Variants in GRM8 observed in about 807,000 individuals in gnomAD.
GRM8 encodes glutamate metabotropic receptor 8, also known as metabotropic glutamate receptor 8.
Under a neutral mutation model 87.2 loss-of-function variants are expected in GRM8, and 47 were observed. The observed-to-expected ratio is 0.54, with a 90% CI of 0.43 to 0.69. The LOEUF (loss-of-function observed/expected upper bound fraction) is 0.69. Ranked by LOEUF, GRM8 falls within the 30% of genes least tolerant of loss-of-function variation. The pLI, the probability that GRM8 is intolerant of heterozygous loss-of-function variation, is 0.00. For synonymous variants in GRM8, 396 were observed against 404.5 expected, an observed-to-expected ratio of 0.98 and a Z score of 0.25; for missense variants, 1,019 against 1,139.2, an observed-to-expected ratio of 0.89 and a Z score of 1.52.
chr7:126,684,520 A>C (rs1242821381), intron 7 of GRM8, among the ~76,000 whole-genome samples: 1 of 152,236 alleles, frequency 6.6e-6, no homozygotes, highest in African/African-American at 2.4e-5. Flanking sequence ...CCATAGCTGT[A>C]GACCTGTAAG....
chr7:127,173,562 G>A (rs2116344774), intron 2 of GRM8, among the ~76,000 whole-genome samples: 1 of 152,332 alleles, frequency 6.6e-6, no homozygotes, highest in East Asian at 1.9e-4. Context: ...TACTCTGGGT[G>A]AAACAGGGAA....
intron 6 of GRM8, among the ~76,000 whole-genome samples, chr7:126,770,437 A>G (rs887636056): frequency 2.0e-5 from 3 of 152,064 alleles, no homozygotes; most frequent in Admixed American, 6.6e-5. Flanking sequence ...TCTCAGCTCC[A>G]GGAGTGTCAT....
intron 2 of GRM8, chr7:127,112,451 ATG>A (rs1259844041): frequency 2.0e-5 from 3 of 152,182 alleles, no homozygotes; most frequent in Admixed American, 2.0e-4. Flanking sequence ...TTGTTCACAG[ATG>A]TAACATGAGC....
At chr7:126,898,239 C>T (rs574200658) in intron 6 of GRM8, among the ~76,000 whole-genome samples, 1 of 152,226 alleles carries the variant, frequency 6.6e-6, no homozygotes, top group African/African-American at 2.4e-5. Context: ...AAACGCTGGA[C>T]ACCTCTACTC....
chr7:126,644,811 T>C (rs1802863717), intron 7 of GRM8, among the ~76,000 whole-genome samples: 1 of 152,214 alleles, frequency 6.6e-6, no homozygotes, highest in African/African-American at 2.4e-5. Flanking sequence ...GAAAAGGTCA[T>C]AATAGATAAC....
intron 9 of GRM8, among the ~76,000 whole-genome samples, chr7:126,514,701 T>C (rs946020479): frequency 6.6e-6 from 1 of 151,988 alleles, no homozygotes; most frequent in Admixed American, 6.6e-5. Flanking sequence ...AAAAACTGTA[T>C]ATAGAGATGA....
At chr7:126,935,375 C>T (rs1049390491) in intron 3 of GRM8, among the ~76,000 whole-genome samples, 7 of 152,156 alleles carry the variant, frequency 4.6e-5, no homozygotes, top group African/African-American at 1.4e-4. Context: ...TAGCTCAGAA[C>T]TACTAACAGC....
chr7:126,763,388 T>C (rs1817797792), intron 7 of GRM8, among the ~76,000 whole-genome samples: 1 of 139,396 alleles, frequency 7.2e-6, no homozygotes, highest in Admixed American at 7.4e-5. Context: ...TCTTAATCAA[T>C]AAAATGTTAT....
intron 8 of GRM8, among the ~76,000 whole-genome samples, chr7:126,537,394 T>C (rs1257120505): frequency 6.6e-6 from 1 of 152,270 alleles, no homozygotes; most frequent in Middle Eastern, 3.4e-3. Flanking sequence ...AAAGGACAAA[T>C]AACAAATGCT....
At chr7:126,677,252 G>T (rs1807056792) in intron 7 of GRM8, among the ~76,000 whole-genome samples, 1 of 150,860 alleles carries the variant, frequency 6.6e-6, no homozygotes, top group Admixed American at 6.6e-5. Context: ...CCGGAGATTG[G>T]AATATAAACT....
At chr7:126,833,612 G>C (rs112274840) in intron 6 of GRM8, among the ~76,000 whole-genome samples, 2 of 152,158 alleles carry the variant, frequency 1.3e-5, no homozygotes, top group Non-Finnish European at 2.9e-5. Context: ...GAGGAAGCCC[G>C]TGTGTCTCTT....
At chr7:126,530,469 G>T (rs1562925791) in intron 9 of GRM8, among the ~76,000 whole-genome samples, 1 of 152,232 alleles carries the variant, frequency 6.6e-6, no homozygotes, top group African/African-American at 2.4e-5. Context: ...CATCATGAAG[G>T]CATGGGCTGG....
chr7:126,574,289 A>T (rs1301210729), intron 8 of GRM8, among the ~76,000 whole-genome samples: 1 of 151,974 alleles, frequency 6.6e-6, no homozygotes, highest in South Asian at 2.1e-4. Flanking sequence ...AGAACATTGA[A>T]CTCCTCATCA....
At chr7:126,604,717 T>A (rs1798178645) in intron 8 of GRM8, among the ~76,000 whole-genome samples, 1 of 152,192 alleles carries the variant, frequency 6.6e-6, no homozygotes, top group Admixed American at 6.5e-5. Context: ...TTGATCACCA[T>A]ATTACAATGC....
At chr7:127,118,335 A>G (rs1239083252) in intron 2 of GRM8, 1 of 152,220 alleles carries the variant, frequency 6.6e-6, no homozygotes, top group Admixed American at 6.5e-5. Context: ...CCTTTATTCC[A>G]CTACATACTA....
chr7:126,687,030 C>G (rs1808262176), intron 7 of GRM8, among the ~76,000 whole-genome samples: 7 of 152,176 alleles, frequency 4.6e-5, no homozygotes. Flanking sequence ...AAATACAATA[C>G]ATACACAGAA....
intron 3 of GRM8, among the ~76,000 whole-genome samples, chr7:126,974,906 AGC>A (rs1810804464): frequency 7.7e-6 from 1 of 130,200 alleles, no homozygotes; most frequent in Admixed American, 9.5e-5. Flanking sequence ...ACTGCGCTCC[AGC>A]CTGGGTGACA....
intron 2 of GRM8, among the ~76,000 whole-genome samples, chr7:127,143,959 C>T (rs527311619): frequency 6.6e-6 from 1 of 152,044 alleles, no homozygotes; most frequent in Non-Finnish European, 1.5e-5. Context: ...CTTTTCAATA[C>T]CCATAAGTAG....
intron 9 of GRM8, among the ~76,000 whole-genome samples, chr7:126,506,212 T>A (rs1013935302): frequency 7.2e-5 from 11 of 152,054 alleles, no homozygotes; most frequent in Non-Finnish European, 1.3e-4. Context: ...TGCGTATATG[T>A]GTATACACAC....
Sources: gnomAD v4.1 joint callset for allele counts (sites outside exome capture counted in the v4.1 genomes callset) on GRCh38, gnomAD v4.1.1 for gene constraint, MANE v1.5 for transcripts, NCBI Gene and HGNC (gene_info 2026-07-23, HGNC 2026-07-21) for gene names.